The following SEL1L2 variants were observed in gnomAD, a reference collection of about 807,000 sequenced individuals.
SEL1L2 encodes protein sel-1 homolog 2.
In SEL1L2, 89 loss-of-function variants were observed where a neutral mutation model predicts 98.8. The ratio of observed to expected loss-of-function variants is 0.90; its 90% CI spans 0.76 to 1.07. The LOEUF is 1.07. SEL1L2 is among the 50% of genes least tolerant of loss of function. SEL1L2 has a pLI of 0.00. For missense variants in SEL1L2, 788 were observed against 812.0 expected (o/e 0.97, Z 0.36); for synonymous variants, 262 against 278.5 (o/e 0.94, Z 0.59).
chr20:13,929,303 G>A (rs2049026391), intron 3 of SEL1L2, among the ~76,000 whole-genome samples: 1 of 151,506 alleles, frequency 6.6e-6, no homozygotes, highest in African/African-American at 2.4e-5. Flanking sequence ...CCACTACACT[G>A]ACTTAGTACT....
intron 10 of SEL1L2, 55 bp downstream of exon 10, chr20:13,885,292 C>T (rs1417574613): frequency 1.7e-6 from 2 of 1,146,928 alleles, no homozygotes; most frequent in Non-Finnish European, 2.6e-6. Context: ...CCCTGCCAGC[C>T]TCCCTCACCA....
At chr20:13,932,174 A>T (rs1262383857) in intron 2 of SEL1L2, among the ~76,000 whole-genome samples, 1 of 152,076 alleles carries the variant, frequency 6.6e-6, no homozygotes, top group Non-Finnish European at 1.5e-5. Context: ...AAGTACAGAA[A>T]ATCTTCTGAC....
At chr20:13,863,140 G>A (rs905493184) in intron 17 of SEL1L2, among the ~76,000 whole-genome samples, 7 of 152,264 alleles carry the variant, frequency 4.6e-5, no homozygotes, top group African/African-American at 1.7e-4. Context: ...AGAAGCAGGA[G>A]GTCCAATGGA....
chr20:13,891,663 C>CA (rs61545047), intron 5 of SEL1L2, among the ~76,000 whole-genome samples: 10,809 of 74,092 alleles, frequency 0.15, 722 homozygotes, highest in East Asian at 0.19. Context: ...AAGACTCCAT[C>CA]AAAAAAAAAA....
chr20:13,861,855 C>T (rs1396176017), intron 17 of SEL1L2, among the ~76,000 whole-genome samples: 4 of 152,130 alleles, frequency 2.6e-5, no homozygotes, highest in East Asian at 3.9e-4. Context: ...TGACTCTTCC[C>T]GTGGCTGGCT....
chr20:13,976,538 T>A (rs6105197), intron 1 of SEL1L2, among the ~76,000 whole-genome samples: 2,695 of 152,206 alleles, frequency 0.018, 33 homozygotes, highest in Non-Finnish European at 0.025. Flanking sequence ...TTGGTTGAAA[T>A]AAAATACGTG....
At chr20:13,955,106 ACTGTT>A (rs1383763032) in intron 2 of SEL1L2, among the ~76,000 whole-genome samples, 1 of 152,200 alleles carries the variant, frequency 6.6e-6, no homozygotes, top group Admixed American at 6.5e-5. Context: ...TGTACCAGGC[ACTGTT>A]CTATTGGCTG....
chr20:13,951,276 CAAAAAAAAA>C (rs764034768), intron 2 of SEL1L2, among the ~76,000 whole-genome samples: 8 of 25,504 alleles, frequency 3.1e-4, no homozygotes, highest in South Asian at 3.7e-3. Context: ...GACTCCGTCT[CAAAAAAAAA>C]AAAAAAAAAA....
At chr20:13,875,167 G>A (rs891047677) in intron 12 of SEL1L2, among the ~76,000 whole-genome samples, 1 of 152,168 alleles carries the variant, frequency 6.6e-6, no homozygotes, top group Non-Finnish European at 1.5e-5. Context: ...AGATAAAAGC[G>A]CCCTTACTGT....
Position 13,886,373 on chromosome 20 carries a change from T to G in SEL1L2, c.815A>C (p.Asn272Thr), listed in dbSNP as rs978506705. 1.2e-6 allele frequency: 2 copies of G among 1,613,928 alleles called. No homozygotes were observed. The highest frequency in any genetic ancestry group is 8.5e-7 in the Non-Finnish European group (1 of 1,179,832). The change falls in exon 9 of 20, where the codon AAT becomes ACT. Residue 272 changes from asparagine (N) to threonine (T), a missense_variant. Transcript: ENST00000284951. ...EKVRLTERPE[N>T]LSSNSEILDW... Reference sequence around the variant, plus strand: ...CAAAATCTCACTGTTAGAACTCAGATTTTCAGGTCTTTCCGTTAGTCTCAC... The same window carrying G: ...CAAAATCTCACTGTTAGAACTCAGAGTTTCAGGTCTTTCCGTTAGTCTCAC...
chr20:13,922,655 A>T (rs937503460), intron 3 of SEL1L2, among the ~76,000 whole-genome samples: 1 of 152,208 alleles, frequency 6.6e-6, no homozygotes, highest in African/African-American at 2.4e-5. Flanking sequence ...CATTTTAATG[A>T]TGAAAGCACC....
intron 10 of SEL1L2, among the ~76,000 whole-genome samples, chr20:13,882,077 G>A (rs1271889937): frequency 3.3e-5 from 5 of 151,686 alleles, no homozygotes; most frequent in Non-Finnish European, 7.4e-5. Flanking sequence ...ACATCACATT[G>A]TATCCCATAA....
At chr20:13,884,613 T>A (rs2046866296) in intron 10 of SEL1L2, among the ~76,000 whole-genome samples, 1 of 152,178 alleles carries the variant, frequency 6.6e-6, no homozygotes, top group Non-Finnish European at 1.5e-5. Context: ...GTGCAAGTGA[T>A]TCTCCTGCCT....
intron 1 of SEL1L2, among the ~76,000 whole-genome samples, chr20:13,989,988 T>C (rs886589582): frequency 6.6e-6 from 1 of 152,156 alleles, no homozygotes; most frequent in Non-Finnish European, 1.5e-5. Flanking sequence ...AGAAACAAGA[T>C]GGAAAATAAC....
chr20:13,919,242 C>A, intron 3 of SEL1L2, 119 bp from the exon 4 acceptor site: 1 of 620,868 alleles, frequency 1.6e-6, no homozygotes, highest in Non-Finnish European at 2.7e-6. Context: ...TTTTTTAAAC[C>A]TCTGCATTCA....
chr20:13,894,860 C>T (rs182581623), intron 5 of SEL1L2, among the ~76,000 whole-genome samples: 6 of 152,174 alleles, frequency 3.9e-5, no homozygotes, highest in South Asian at 4.1e-4. Context: ...AGAAACCTCC[C>T]GACAAAGAAA....
intron 18 of SEL1L2, among the ~76,000 whole-genome samples, chr20:13,854,673 G>GATAAATATT (rs1568821890): frequency 4.6e-5 from 7 of 152,142 alleles, no homozygotes; most frequent in Admixed American, 4.6e-4. Context: ...ATAGGAAATA[G>GATAAATATT]TCCTTGATAA....
intron 8 of SEL1L2, among the ~76,000 whole-genome samples, chr20:13,887,440 A>G (rs539673520): frequency 7.2e-5 from 11 of 152,174 alleles, no homozygotes; most frequent in Non-Finnish European, 1.6e-4. Context: ...CATATTCTGA[A>G]TGTTATATTT....
intron 1 of SEL1L2, among the ~76,000 whole-genome samples, chr20:13,983,043 A>AAAAAAAAAAAAAAAAAAAAAAAAC (rs1390544671): frequency 6.9e-6 from 1 of 144,138 alleles, no homozygotes; most frequent in Non-Finnish European, 1.5e-5. Flanking sequence ...AAAAAAAAAA[A>AAAAAAAAAAAAAAAAAAAAAAAAC]AAAAAGCAGC....
Sources: gnomAD v4.1 joint callset for allele counts (sites outside exome capture counted in the v4.1 genomes callset) on GRCh38, gnomAD v4.1.1 for gene constraint, MANE v1.5 for transcripts, NCBI Gene and HGNC (gene_info 2026-07-23, HGNC 2026-07-21) for gene names.